Variants in DHX33 observed in about 807,000 individuals in gnomAD.
DHX33 encodes the protein DEAH-box helicase 33, also known as ATP-dependent RNA helicase DHX33.
Under a neutral mutation model 72.5 loss-of-function variants are expected in DHX33, and 42 were observed. The observed-to-expected ratio is 0.58, with a 90% CI of 0.45 to 0.75. DHX33 has a LOEUF of 0.75. DHX33 is among the 30% of genes least tolerant of loss of function. The pLI, the probability that DHX33 is intolerant of heterozygous loss-of-function variation, is 0.00. For missense variants in DHX33, 842 were observed against 917.5 expected, an observed-to-expected ratio of 0.92 and a Z score of 1.06; for synonymous variants, 358 against 366.1, an observed-to-expected ratio of 0.98 and a Z score of 0.25.
intron 10 of DHX33, among the ~76,000 whole-genome samples, chr17:5,449,171 C>G (rs928699194): frequency 1.3e-5 from 2 of 152,008 alleles, no homozygotes; most frequent in Non-Finnish European, 2.9e-5. Context: ...CAAAAAGAAA[C>G]GTAGGAAAAT....
In DHX33 at chr17:5,448,834, G is replaced by A. The variant is rs1399062101; in HGVS notation, c.1790C>T (p.Ala597Val). The change falls in exon 11 of 12, where the codon GCA becomes GTA. Residue 597 changes from alanine (A) to valine (V), a missense_variant. Coordinates refer to ENST00000225296, the MANE Select transcript of DHX33 (RefSeq NM_020162.4). ...KNMTLVAEVRAQLRDICLKMS... is the reference protein window; with the variant it reads ...KNMTLVAEVRVQLRDICLKMS... ...CTTTAAGCAGATGTCCCTCAGCTGT[G>A]CTCTGACTTCTGCTACCAGCGTCAT... The A allele has an allele frequency of 6.2e-7, 1 of 1,612,566 alleles. No individual in the cohort carries two copies. The highest frequency in any genetic ancestry group is 1.7e-5 in the Admixed American group (1 of 59,808).
intron 2 of DHX33, 59 bp from the exon 3 acceptor site, chr17:5,462,605 G>T: frequency 7.4e-7 from 1 of 1,353,476 alleles, no homozygotes; most frequent in Non-Finnish European, 1.0e-6. Context: ...CACTGTGTCC[G>T]GCACTAAGTT....
chr17:5,463,384 G>A (rs1904730361), intron 2 of DHX33, 145 bp downstream of exon 2: 2 of 841,138 alleles, frequency 2.4e-6, no homozygotes, highest in East Asian at 2.5e-5. Context: ...GATCTCTCAG[G>A]AGCTGGTAAA....
Position 5,467,970 on chromosome 17 carries a change from A to T in DHX33, c.289+601T>A, listed in dbSNP as rs1904950511. ...TCCAGTGGGCATCACATCCAAGTCCAGTATAACCGGACTTGACTGCTGCAT... is the reference window on the plus strand; with the variant it reads ...TCCAGTGGGCATCACATCCAAGTCCTGTATAACCGGACTTGACTGCTGCAT... On this transcript the variant is annotated intron_variant, in intron 1 of 11. Coordinates refer to ENST00000225296, the MANE Select transcript of DHX33 (RefSeq NM_020162.4). 2.0e-5 allele frequency among the ~76,000 whole-genome samples: 3 copies of T among 152,208 alleles called. No homozygotes were observed. The South Asian group carries it at 6.2e-4, about 32-fold the overall frequency.
rs377299126 is a variant in DHX33 at position 5,447,950 on chromosome 17, G to A, written c.1815+859C>T. On this transcript the variant is annotated intron_variant, in intron 11 of 11. Coordinates refer to ENST00000225296, the MANE Select transcript of DHX33 (RefSeq NM_020162.4). The stretch of plus-strand genomic sequence containing the variant: ...TCCCAGCACTTCGGGAGGCCGAGGC[G>A]GGCAAATCACCTGAGGTCAGGAGTT... Among the ~76,000 whole-genome samples, 102 of 152,230 alleles carry A rather than the reference G, an allele frequency of 6.7e-4. 1 individual carries two copies. The East Asian group carries it at 0.016, about 24-fold the overall frequency.
At chr17:5,455,299 C>T (rs746475541) in intron 5 of DHX33, 28 bp from the exon 6 acceptor site, 50 of 1,568,980 alleles carry the variant, frequency 3.2e-5, no homozygotes, top group African/African-American at 8.1e-5. Flanking sequence ...ACCAAAAAGC[C>T]GCATTGACAC....
chr17:5,465,364 C>T (rs1405492374), intron 1 of DHX33, among the ~76,000 whole-genome samples: 1 of 152,182 alleles, frequency 6.6e-6, no homozygotes, highest in African/African-American at 2.4e-5. Flanking sequence ...CTGCTGAATC[C>T]ACTAGGCAAA....
At chr17:5,459,630 T>C (rs1904487031) in intron 4 of DHX33, among the ~76,000 whole-genome samples, 2 of 152,076 alleles carry the variant, frequency 1.3e-5, no homozygotes, top group South Asian at 2.1e-4. Flanking sequence ...AGTCTTGCTA[T>C]GTTGCCCGGG....
intron 4 of DHX33, among the ~76,000 whole-genome samples, chr17:5,460,475 G>T (rs1012468961): frequency 6.6e-5 from 10 of 151,618 alleles, no homozygotes; most frequent in African/African-American, 2.4e-4. Context: ...TAAAAATCCA[G>T]ACACAGCAAA....
chr17:5,451,122 T>A (rs973849067), intron 8 of DHX33, among the ~76,000 whole-genome samples, 188 bp from the exon 9 acceptor site: 1 of 152,226 alleles, frequency 6.6e-6, no homozygotes, highest in African/African-American at 2.4e-5. Context: ...CTTTTCTTTT[T>A]TGAGACAGAG....
At position 5,450,839 on chromosome 17, in the gene DHX33, C is replaced by T. The variant is rs143632077; in HGVS notation, c.1492G>A (p.Ala498Thr). ...AATTTGGGTTCTAAAGGAAATGCTGCCATCTTTCTTCCCATTGGAGTCAGG... is the reference window on the plus strand; with the variant it reads ...AATTTGGGTTCTAAAGGAAATGCTGTCATCTTTCTTCCCATTGGAGTCAGG... Reference protein sequence around the residue: ...LTLTPMGRKMAAFPLEPKFAK... With the variant: ...LTLTPMGRKMTAFPLEPKFAK... The change falls in exon 9 of 12, where the codon GCA (alanine) becomes ACA (threonine). Residue 498 changes from alanine (A) to threonine (T), a missense_variant. By Grantham distance (58) the Ala-to-Thr change is moderately conservative. Transcript: ENST00000225296. 1 of 1,614,160 alleles carries T rather than the reference C, an allele frequency of 6.2e-7. No homozygotes were observed. Among genetic ancestry groups the T allele is most frequent in the Non-Finnish European group, 8.5e-7 (1 of 1,180,026 alleles).
chr17:5,463,698 G>C lies in DHX33; in HGVS notation c.290-9C>G, dbSNP rs1036890109. ...CCCAGAGCCAGTTTCCCCTAGGAGA[G>C]AGGGGGAAAAAAAAAAAAGGCTCAC... is the stretch of plus-strand genomic sequence containing the variant. On this transcript the variant is annotated splice_polypyrimidine_tract_variant and intron_variant, in intron 1 of 11. Transcript: ENST00000225296. 1.3e-6 allele frequency: 2 copies of C among 1,560,728 alleles called. No homozygotes were observed. The highest frequency in any genetic ancestry group is 1.7e-6 in the Non-Finnish European group (2 of 1,160,366).
At chr17:5,467,543 A>T (rs1200198491) in intron 1 of DHX33, among the ~76,000 whole-genome samples, 2 of 152,180 alleles carry the variant, frequency 1.3e-5, no homozygotes, top group Non-Finnish European at 2.9e-5. Flanking sequence ...ATAAACCACA[A>T]ATAACATCTC....
intron 10 of DHX33, 50 bp downstream of exon 10, chr17:5,450,153 A>G (rs1206686796): frequency 2.5e-6 from 4 of 1,606,482 alleles, no homozygotes; most frequent in Middle Eastern, 1.9e-4. Flanking sequence ...GGAAGCACAT[A>G]GCAGAGACAA....
chr17:5,453,566 T>C lies in DHX33; in HGVS notation c.1396+14A>G, dbSNP rs780431863. 1 of 1,613,154 alleles carries C rather than the reference T, an allele frequency of 6.2e-7. No individual in the cohort carries two copies. Among genetic ancestry groups the C allele is most frequent in the Non-Finnish European group, 8.5e-7 (1 of 1,179,062 alleles). On this transcript the variant is annotated intron_variant, in intron 8 of 11. Coordinates refer to ENST00000225296, the MANE Select transcript of DHX33 (RefSeq NM_020162.4). ...TCCTCACCCACCTTCTGCAAAACTG[T>C]GGATTTCACTTACCTGGAGATGGCT...
rs763909973 is a variant in DHX33, at chr17:5,462,557, A to G, written c.451-11T>C. The G allele has an allele frequency of 6.2e-7, 1 of 1,604,384 alleles. No homozygotes were observed. The highest frequency in any genetic ancestry group is 1.1e-5 in the South Asian group (1 of 90,902). ...CACTGTATAGCCAACCTGTGCAGGG[A>G]AACAATTTATTCAGTCACCAAACAT... On this transcript the variant is annotated splice_polypyrimidine_tract_variant and intron_variant, in intron 2 of 11. Transcript: ENST00000225296.
chr17:5,441,690 T>C lies in DHX33; in HGVS notation c.*2515A>G, dbSNP rs1567594268. On this transcript the variant is annotated 3_prime_UTR_variant, in exon 12 of 12. Transcript: ENST00000225296. ...GAGCAGCTATGTTAAAAGTTAACTT[T>C]TTAAAAAAGCCCAATAAAAAACTAA... The C allele has an allele frequency of 6.6e-6, 1 of 152,166 alleles. No homozygotes were observed. The highest frequency in any genetic ancestry group is 1.5e-5 in the Non-Finnish European group (1 of 68,034). 9.4% of individuals were successfully genotyped at this position (152,166 alleles called of 1,614,324 possible).
intron 4 of DHX33, 74 bp from the exon 5 acceptor site, chr17:5,456,256 T>G: frequency 6.9e-7 from 1 of 1,451,736 alleles, no homozygotes; most frequent in Non-Finnish European, 9.6e-7. Context: ...CAATGGTGAT[T>G]GATGATGTTT....
At chr17:5,452,673 G>A (rs1440234536) in intron 8 of DHX33, among the ~76,000 whole-genome samples, 1 of 152,196 alleles carries the variant, frequency 6.6e-6, no homozygotes, top group African/African-American at 2.4e-5. Flanking sequence ...TGCTGAGAAT[G>A]TGCCACTGCA....
Sources: allele counts gnomAD v4.1 joint callset (sites outside exome capture counted in the v4.1 genomes callset), GRCh38; gene constraint gnomAD v4.1.1; transcripts MANE v1.5; gene names NCBI Gene and HGNC (gene_info 2026-07-23, HGNC 2026-07-21).